The following CEP20 variants were observed in gnomAD, a reference collection of about 807,000 sequenced individuals.
CEP20 encodes the protein FGFR1OP N-terminal like.
A neutral mutation model predicts 20.0 loss-of-function variants in CEP20; 18 were observed. That is an observed-to-expected ratio of 0.90 (90% CI 0.62 to 1.34). The LOEUF is 1.34. Ranked by LOEUF, CEP20 falls within the 40% of genes most tolerant of loss-of-function variation. CEP20 has a pLI of 0.00. For synonymous variants in CEP20, 77 were observed against 73.7 expected, an observed-to-expected ratio of 1.04 and a Z score of -0.23; for missense variants, 215 against 201.6, an observed-to-expected ratio of 1.07 and a Z score of -0.40.
At chr16:15,876,461 T>C (rs59127082) in intron 3 of CEP20, among the ~76,000 whole-genome samples, 10,302 of 150,204 alleles carry the variant, frequency 0.069, 466 homozygotes, top group East Asian at 0.21. Flanking sequence ...GACGACAGAG[T>C]GAGACTCTGT....
chr16:15,867,573 GTAGACATAGC>G, intron 4 of CEP20, 57 bp from the exon 5 acceptor site: 8 of 1,145,514 alleles, frequency 7.0e-6, no homozygotes, highest in Non-Finnish European at 1.0e-5. Flanking sequence ...ACACAGATAG[GTAGACATAGC>G]TACAAATATC....
Position 15,867,517 on chromosome 16 carries a change from C to G in CEP20, c.449-1G>C. On this transcript the variant is annotated splice_acceptor_variant, in intron 4 of 4. Transcript: ENST00000255759. LOFTEE classifies it high-confidence loss of function. ...TGTTCCTCCTTTCTTAGGTGGTCAT[C>G]TGAAATGCACAGAAACCAATGTTAA... The G allele has an allele frequency of 6.3e-7, 1 of 1,597,150 alleles. No homozygotes were observed. The highest frequency in any genetic ancestry group is 8.6e-7 in the Non-Finnish European group (1 of 1,169,416).
chr16:15,869,403 T>C (rs1256537470), intron 4 of CEP20, among the ~76,000 whole-genome samples: 1 of 150,480 alleles, frequency 6.6e-6, no homozygotes, highest in Admixed American at 6.7e-5. Flanking sequence ...CTCCACCTCC[T>C]GGGTTCAAGC....
chr16:15,881,164 C>T (rs1266810077), intron 2 of CEP20, among the ~76,000 whole-genome samples: 1 of 152,044 alleles, frequency 6.6e-6, no homozygotes, highest in East Asian at 1.9e-4. Context: ...GTAGTAATTA[C>T]ACAACTGCAG....
intron 2 of CEP20, 118 bp downstream of exon 2, chr16:15,883,890 G>T: frequency 2.6e-6 from 2 of 765,564 alleles, no homozygotes; most frequent in Non-Finnish European, 4.1e-6. Flanking sequence ...TGATTTTTGT[G>T]TCCCAGTCAC....
intron 1 of CEP20, among the ~76,000 whole-genome samples, 162 bp downstream of exon 1, chr16:15,888,396 G>C (rs1371226942): frequency 3.3e-5 from 5 of 152,062 alleles, no homozygotes; most frequent in Non-Finnish European, 1.5e-5. Flanking sequence ...CCCCGCGCAC[G>C]GGCCAAGACA....
chr16:15,882,269 C>T (rs774003263), intron 2 of CEP20, among the ~76,000 whole-genome samples: 2 of 152,128 alleles, frequency 1.3e-5, no homozygotes, highest in Admixed American at 6.6e-5. Context: ...CAACCGGGTG[C>T]GGTGGCTCAC....
At chr16:15,880,345 T>G (rs1881154591) in intron 2 of CEP20, among the ~76,000 whole-genome samples, 1 of 152,158 alleles carries the variant, frequency 6.6e-6, no homozygotes, top group Admixed American at 6.5e-5. Context: ...AGTTTTCTTA[T>G]AAAGGTGAGC....
intron 4 of CEP20, among the ~76,000 whole-genome samples, chr16:15,870,066 T>TCCC: frequency 6.6e-6 from 1 of 152,150 alleles, no homozygotes; most frequent in Admixed American, 6.6e-5. Flanking sequence ...AGGTGTCTCT[T>TCCC]TCCCTCCCTC....
intron 2 of CEP20, chr16:15,882,931 G>A (rs62031722): frequency 0.083 from 12,607 of 151,854 alleles, 596 homozygotes; most frequent in Middle Eastern, 0.16. Flanking sequence ...AAAATTCGCC[G>A]GGCCTGGCAG....
In CEP20 at chr16:15,884,091, T is replaced by C; in HGVS notation, c.143A>G (p.His48Arg). The C allele has an allele frequency of 8.7e-6, 14 of 1,614,148 alleles. No homozygotes were observed. Among genetic ancestry groups the C allele is most frequent in the Non-Finnish European group, 1.2e-5 (14 of 1,179,988 alleles). ...TAATTCATTAATTAGAAGGTTTTCA[T>C]GAGACAATGATGGTCGGGGTTCACG... Reference protein sequence around the residue: ...DDREPRPSLSHENLLINELIR... With the variant: ...DDREPRPSLSRENLLINELIR... The change falls in exon 2 of 5, where the codon CAT becomes CGT. Residue 48 changes from histidine (H) to arginine (R), a missense_variant. Transcript: ENST00000255759.
At chr16:15,885,867 C>A (rs1468843028) in intron 1 of CEP20, 1 of 152,212 alleles carries the variant, frequency 6.6e-6, no homozygotes, top group Non-Finnish European at 1.5e-5. Context: ...CATGACAAAG[C>A]AGTTATGATC....
At chr16:15,879,930 TA>T (rs754363129) in intron 2 of CEP20, 42 bp from the exon 3 acceptor site, 1 of 1,336,196 alleles carries the variant, frequency 7.5e-7, no homozygotes, top group Non-Finnish European at 1.0e-6. Flanking sequence ...TCTATTAAAC[TA>T]AAAAGCAAAT....
At chr16:15,872,255 A>G (rs1485448928) in intron 4 of CEP20, among the ~76,000 whole-genome samples, 2 of 151,672 alleles carry the variant, frequency 1.3e-5, no homozygotes, top group African/African-American at 2.4e-5. Context: ...CAGAGCTTAC[A>G]GTGAGACGAG....
chr16:15,878,172 T>C (rs535500539), intron 3 of CEP20, among the ~76,000 whole-genome samples: 3 of 152,242 alleles, frequency 2.0e-5, no homozygotes, highest in East Asian at 1.9e-4. Context: ...GATGCTCCAA[T>C]AGAAGTTAAG....
chr16:15,887,058 G>C (rs1302458522), intron 1 of CEP20, among the ~76,000 whole-genome samples: 1 of 151,504 alleles, frequency 6.6e-6, no homozygotes, highest in Non-Finnish European at 1.5e-5. Context: ...ACTATGCCCG[G>C]CTCTTTTTTT....
intron 1 of CEP20, among the ~76,000 whole-genome samples, chr16:15,887,179 A>G (rs962689146): frequency 7.9e-5 from 12 of 152,180 alleles, no homozygotes; most frequent in Admixed American, 2.6e-4. Flanking sequence ...GGCATGAGCC[A>G]CTGTGCTTGG....
At chr16:15,879,955 G>T in intron 2 of CEP20, 67 bp from the exon 3 acceptor site, 2 of 1,100,068 alleles carry the variant, frequency 1.8e-6, no homozygotes, top group South Asian at 1.4e-5. Flanking sequence ...ATTTTGAAAA[G>T]AATCACATTT....
At chr16:15,870,566 AC>A (rs1210781555) in intron 4 of CEP20, among the ~76,000 whole-genome samples, 1 of 152,212 alleles carries the variant, frequency 6.6e-6, no homozygotes, top group Admixed American at 6.5e-5. Context: ...ACATCACAAT[AC>A]CGTAAAAGCA....
Sources: gnomAD v4.1 joint callset for allele counts (sites outside exome capture counted in the v4.1 genomes callset) on GRCh38, gnomAD v4.1.1 for gene constraint, MANE v1.5 for transcripts, NCBI Gene and HGNC (gene_info 2026-07-23, HGNC 2026-07-21) for gene names.